IFT81: variants seen among roughly 807,000 people sequenced by gnomAD.
IFT81 encodes intraflagellar transport 81, also known as intraflagellar transport protein 81 homolog.
Under a neutral mutation model 102.6 loss-of-function variants are expected in IFT81, and 72 were observed. The ratio of observed to expected loss-of-function variants is 0.70; its 90% CI spans 0.58 to 0.85. IFT81 has a LOEUF of 0.85. IFT81 is among the 40% of genes least tolerant of loss of function. The pLI is 0.00. For synonymous variants in IFT81, 237 were observed against 242.7 expected (o/e 0.98, Z 0.22); for missense variants, 723 against 787.3 (o/e 0.92, Z 0.98).
At chr12:110,132,717 T>G (rs1332848279) in intron 5 of IFT81, 81 bp downstream of exon 5, 2 of 707,426 alleles carry the variant, frequency 2.8e-6, no homozygotes, top group Admixed American at 5.3e-5. Context: ...TCAGTATGAG[T>G]CTTAAGACTA....
At chr12:110,186,820 G>A (rs897423239) in intron 12 of IFT81, among the ~76,000 whole-genome samples, 6 of 152,090 alleles carry the variant, frequency 3.9e-5, no homozygotes, top group Admixed American at 1.3e-4. Flanking sequence ...GAGCCACCAC[G>A]CCCAGCCCAG....
intron 18 of IFT81, among the ~76,000 whole-genome samples, chr12:110,211,893 A>T (rs181037608): frequency 1.0e-3 from 157 of 152,294 alleles, no homozygotes; most frequent in African/African-American, 3.7e-3. Flanking sequence ...CTATATATGG[A>T]TGTCTAATTT....
intron 9 of IFT81, among the ~76,000 whole-genome samples, chr12:110,144,863 C>CTTTT (rs34675452): frequency 5.4e-5 from 5 of 93,088 alleles, no homozygotes; most frequent in African/African-American, 1.4e-4. Context: ...GGTGCAGTGC[C>CTTTT]TTTTTTTTTT....
chr12:110,171,278 T>C (rs76183485), intron 11 of IFT81, among the ~76,000 whole-genome samples: 1 of 151,992 alleles, frequency 6.6e-6, no homozygotes, highest in Non-Finnish European at 1.5e-5. Context: ...TTTTTTTTTT[T>C]CTGGAGAATT....
chr12:110,162,886 CTTA>C lies in IFT81; in HGVS notation c.1042-28_1042-26del, dbSNP rs755989312. On this transcript the variant is annotated intron_variant, in intron 10 of 18. Coordinates refer to ENST00000242591, the MANE Select transcript of IFT81 (RefSeq NM_014055.4). The stretch of plus-strand genomic sequence containing the variant: ...AGATAATAGAAAGTTGATTGTATAT[CTTA>C]TTATACCTTCATATTTAATGCTCAA... 6.7e-5 allele frequency: 103 copies of C among 1,529,004 alleles called. No homozygotes were observed. In the Middle Eastern group the frequency reaches 8.7e-4, roughly 13 times the overall value. 94.7% of individuals were successfully genotyped at this position (1,529,004 alleles called of 1,614,324 possible).
intron 18 of IFT81, chr12:110,216,821 T>G (rs1870200464): frequency 3.1e-6 from 1 of 324,640 alleles, no homozygotes; most frequent in Non-Finnish European, 6.0e-6. Context: ...CAAGCATACC[T>G]GACATATAAC....
At chr12:110,179,841 T>C (rs1897243294) in intron 11 of IFT81, among the ~76,000 whole-genome samples, 1 of 132,948 alleles carries the variant, frequency 7.5e-6, no homozygotes. Context: ...CATATACACA[T>C]AATATATATA....
intron 5 of IFT81, 139 bp downstream of exon 5, chr12:110,132,775 C>A (rs1894247707): frequency 2.0e-6 from 1 of 509,338 alleles, no homozygotes; most frequent in Non-Finnish European, 3.6e-6. Context: ...TGTGGGGGGA[C>A]CTTTGGTAGT....
chr12:110,167,384 A>C (rs895721808), intron 11 of IFT81, among the ~76,000 whole-genome samples: 1 of 152,170 alleles, frequency 6.6e-6, no homozygotes, highest in Non-Finnish European at 1.5e-5. Flanking sequence ...TCAGTGATAA[A>C]AGATACATTT....
Position 110,161,428 on chromosome 12 carries a change from G to A in IFT81, c.1042-1491G>A, listed in dbSNP as rs1250240320. Reference sequence around the variant, plus strand: ...CTCCCAAAGTGCTGGTATTACAGGCGTGAGCCACCACGCCTGACCCACTTT... The same window carrying A: ...CTCCCAAAGTGCTGGTATTACAGGCATGAGCCACCACGCCTGACCCACTTT... On this transcript the variant is annotated intron_variant, in intron 10 of 18. Transcript: ENST00000242591. 4.0e-5 allele frequency among the ~76,000 whole-genome samples: 6 copies of A among 149,604 alleles called. No individual in the cohort carries two copies. In the South Asian group the frequency reaches 6.3e-4, roughly 16 times the overall value.
chr12:110,190,998 A>G lies in IFT81; in HGVS notation c.1417A>G (p.Ser473Gly), dbSNP rs1448445677. 1 of 1,610,036 alleles carries G rather than the reference A, an allele frequency of 6.2e-7. No individual in the cohort carries two copies. The highest frequency in any genetic ancestry group is 8.5e-7 in the Non-Finnish European group (1 of 1,178,304). The change falls in exon 13 of 19, where the codon AGT becomes GGT. Residue 473 changes from serine to glycine, a missense_variant. Coordinates refer to ENST00000242591, the MANE Select transcript of IFT81 (RefSeq NM_014055.4). ...EELERVSALK[S>G]EVDEMKGRTL... ...GCTAGAAAGAGTATCTGCACTGAAG[A>G]GTGAAGTTGATGAAATGAAAGGACG...
chr12:110,194,055 G>C lies in IFT81; in HGVS notation c.1557+1349G>C, dbSNP rs528798841. ...TAGAGCAGCAAGGGGGTGGGAGGAG[G>C]GGCCTCACACTTTTAAACAACGAGA... On this transcript the variant is annotated intron_variant, in intron 14 of 18. Transcript: ENST00000242591. Among the ~76,000 whole-genome samples the C allele has an allele frequency of 2.0e-5, 3 of 152,096 alleles. No individual in the cohort carries two copies. The South Asian group carries it at 6.2e-4, about 32-fold the overall frequency.
intron 14 of IFT81, among the ~76,000 whole-genome samples, chr12:110,200,725 G>A (rs949105831): frequency 5.3e-5 from 8 of 151,912 alleles, no homozygotes; most frequent in Admixed American, 2.6e-4. Flanking sequence ...TGAGGCAGGC[G>A]GATGACGAGG....
intron 13 of IFT81, among the ~76,000 whole-genome samples, chr12:110,191,805 G>T (rs899806464): frequency 6.6e-6 from 1 of 151,700 alleles, no homozygotes; most frequent in Non-Finnish European, 1.5e-5. Context: ...CAGTTGTCTT[G>T]TCCACATTGG....
At position 110,184,207 on chromosome 12, in the gene IFT81, G is replaced by T. The variant is rs186072422; in HGVS notation, c.1338+3636G>T. On this transcript the variant is annotated intron_variant, in intron 12 of 18. Coordinates refer to ENST00000242591, the MANE Select transcript of IFT81 (RefSeq NM_014055.4). ...TTACTAAAAATGCAAAAAATTATCC[G>T]GGCGTGGTGGCGGGCACCTGTAGTC... Among the ~76,000 whole-genome samples, 3 of 152,134 alleles carry T rather than the reference G, an allele frequency of 2.0e-5. No homozygotes were observed. The East Asian group carries it at 5.8e-4, about 29-fold the overall frequency.
intron 10 of IFT81, among the ~76,000 whole-genome samples, chr12:110,160,469 A>C (rs1896074912): frequency 6.6e-6 from 1 of 152,214 alleles, no homozygotes. Context: ...GAAGAAAGAG[A>C]GCCAGTAGAC....
At chr12:110,169,032 CCTTCCTT>C (rs1896599164) in intron 11 of IFT81, 1 of 73,638 alleles carries the variant, frequency 1.4e-5, no homozygotes, top group Non-Finnish European at 3.4e-5. Flanking sequence ...TCCCTTCCTT[CCTTCCTT>C]CCTTCCTTCC....
intron 10 of IFT81, among the ~76,000 whole-genome samples, chr12:110,161,243 G>A (rs1047220560): frequency 6.7e-6 from 1 of 148,786 alleles, no homozygotes. Context: ...CAGGTTCAAG[G>A]AATTCTCCTG....
chr12:110,197,259 GATAGAT>G (rs1267987600), intron 14 of IFT81, among the ~76,000 whole-genome samples: 4 of 142,114 alleles, frequency 2.8e-5, no homozygotes, highest in African/African-American at 5.0e-5. Context: ...TAGATAGATA[GATAGAT>G]AGATAGATAG....
Sources: gnomAD v4.1 joint callset for allele counts (sites outside exome capture counted in the v4.1 genomes callset) on GRCh38, gnomAD v4.1.1 for gene constraint, MANE v1.5 for transcripts, NCBI Gene and HGNC (gene_info 2026-07-23, HGNC 2026-07-21) for gene names.